Variants in EYS observed in about 807,000 individuals in gnomAD.
EYS encodes EGF-like photoreceptor maintenance factor.
In EYS, 250 loss-of-function variants were observed where a neutral mutation model predicts 282.1. The ratio of observed to expected loss-of-function variants is 0.89; its 90% CI spans 0.80 to 0.98. EYS has a LOEUF of 0.98. Among genes scored for constraint, EYS ranks in the 50% least tolerant of loss-of-function variants. The pLI, the probability that EYS is intolerant of heterozygous loss-of-function variation, is 0.00. For missense variants in EYS, 4,016 were observed against 3,709.0 expected, an observed-to-expected ratio of 1.08 and a Z score of -2.15; for synonymous variants, 1,355 against 1,282.9, an observed-to-expected ratio of 1.06 and a Z score of -1.20.
intron 34 of EYS, among the ~76,000 whole-genome samples, chr6:63,994,943 GA>G (rs960048658): frequency 6.6e-5 from 10 of 151,808 alleles, no homozygotes; most frequent in Admixed American, 3.3e-4. Context: ...AAAACATGGG[GA>G]AAATGCTTCA....
intron 31 of EYS, among the ~76,000 whole-genome samples, chr6:64,139,346 G>T (rs1774263152): frequency 6.6e-6 from 1 of 152,120 alleles, no homozygotes; most frequent in Non-Finnish European, 1.5e-5. Flanking sequence ...GATATAAGGA[G>T]TAGTCAAAGA....
In EYS at chr6:64,007,083, A is replaced by T. The variant is rs1026757913; in HGVS notation, c.6726-7900T>A. 3.9e-5 allele frequency among the ~76,000 whole-genome samples: 6 copies of T among 152,102 alleles called. No homozygotes were observed. In the Middle Eastern group the frequency reaches 0.01, roughly 259 times the overall value. On this transcript the variant is annotated intron_variant, in intron 33 of 42. Transcript: ENST00000503581. ...TTCAGTAGGAACAGTACCAGCTCTT[A>T]TTTATATTTCTGATATAATTTGTCT... is the stretch of plus-strand genomic sequence containing the variant.
At chr6:64,025,653 A>G (rs146492929) in intron 33 of EYS, among the ~76,000 whole-genome samples, 3,848 of 152,220 alleles carry the variant, frequency 0.025, 63 homozygotes, top group Non-Finnish European at 0.042. Context: ...CATAGTGGGG[A>G]CTACCTGGAA....
chr6:64,668,938 A>G (rs184867289), intron 22 of EYS, among the ~76,000 whole-genome samples: 33 of 152,192 alleles, frequency 2.2e-4, no homozygotes, highest in African/African-American at 7.5e-4. Context: ...TTTAGTTTAA[A>G]TAAATCACGT....
intron 12 of EYS, among the ~76,000 whole-genome samples, chr6:65,292,067 G>A (rs1282624439): frequency 2.0e-5 from 3 of 151,504 alleles, no homozygotes; most frequent in Non-Finnish European, 3.0e-5. Context: ...GCACAACCCC[G>A]GTGACTAAAA....
chr6:64,464,805 A>C (rs540214856), intron 26 of EYS, among the ~76,000 whole-genome samples: 1 of 152,166 alleles, frequency 6.6e-6, no homozygotes, highest in African/African-American at 2.4e-5. Context: ...AGAGAGAAAA[A>C]ATATTTCATC....
In EYS at chr6:64,067,415, C is replaced by A. The variant is rs149287650; in HGVS notation, c.6572-924G>T. ...TTCTGCTCTTCATCAAAAGTAACCA[C>A]TATCTTGATGTTTAACAGCTATAGT... is the stretch of plus-strand genomic sequence containing the variant. On this transcript the variant is annotated intron_variant, in intron 32 of 42. Transcript: ENST00000503581. Among the ~76,000 whole-genome samples, 554 of 152,220 alleles carry A rather than the reference C, an allele frequency of 3.6e-3. 3 individuals carry two copies. The highest frequency in any genetic ancestry group is 0.013 in the African/African-American group (522 of 41,560).
At chr6:64,058,198 C>T (rs1178820089) in intron 33 of EYS, among the ~76,000 whole-genome samples, 1 of 151,830 alleles carries the variant, frequency 6.6e-6, no homozygotes, top group Admixed American at 6.6e-5. Context: ...TGTGCCTTTG[C>T]TCCTCCTTCA....
At chr6:64,593,531 T>A (rs1184915867) in intron 24 of EYS, among the ~76,000 whole-genome samples, 1 of 152,160 alleles carries the variant, frequency 6.6e-6, no homozygotes, top group Non-Finnish European at 1.5e-5. Flanking sequence ...ATGCCCAAAT[T>A]TATTCTTAAT....
At chr6:65,019,764 G>A (rs1391343119) in intron 13 of EYS, among the ~76,000 whole-genome samples, 1 of 152,036 alleles carries the variant, frequency 6.6e-6, no homozygotes, top group African/African-American at 2.4e-5. Context: ...ATTCTCATGA[G>A]GCCAATAAAG....
intron 33 of EYS, among the ~76,000 whole-genome samples, chr6:64,054,307 G>T (rs1440344227): frequency 6.6e-6 from 1 of 152,122 alleles, no homozygotes. Flanking sequence ...TGAATGGCTT[G>T]CAGAAAGCAT....
chr6:65,084,051 A>G (rs952886270), intron 12 of EYS, among the ~76,000 whole-genome samples: 2 of 152,008 alleles, frequency 1.3e-5, no homozygotes, highest in Non-Finnish European at 2.9e-5. Flanking sequence ...CTTTGGCAAG[A>G]GTCAGTCAGT....
chr6:64,637,705 T>C lies in EYS; in HGVS notation c.3444-11460A>G, dbSNP rs1356888803. Among the ~76,000 whole-genome samples the C allele has an allele frequency of 3.4e-5, 3 of 89,124 alleles. 1 individual carries two copies. Among genetic ancestry groups the C allele is most frequent in the African/African-American group, 8.6e-5 (2 of 23,210 alleles). 58.5% of individuals were successfully genotyped at this position (89,124 alleles called of 152,430 possible). A position where few individuals can be genotyped will look rare whatever the true frequency, so the allele number is the denominator to read the frequency against. The stretch of plus-strand genomic sequence containing the variant: ...TACATTACTCTACAGTGATCAGAAA[T>C]CTCTTCTCAAGGCAAAATTCTCAAT... On this transcript the variant is annotated intron_variant, in intron 22 of 42. Coordinates refer to ENST00000503581, the MANE Select transcript of EYS (RefSeq NM_001142800.2).
At chr6:64,394,117 C>T (rs1266954293) in intron 28 of EYS, among the ~76,000 whole-genome samples, 1 of 152,076 alleles carries the variant, frequency 6.6e-6, no homozygotes, top group African/African-American at 2.4e-5. Flanking sequence ...AACCACTGCT[C>T]AATTAAATAA....
chr6:64,071,249 G>C lies in EYS; in HGVS notation c.6572-4758C>G, dbSNP rs555230598. The stretch of plus-strand genomic sequence containing the variant: ...AAATGAGAAAATAATTTAATATTTA[G>C]CTTACTCATCCAGGTTCTCTGAACC... On this transcript the variant is annotated intron_variant, in intron 32 of 42. Transcript: ENST00000503581. Among the ~76,000 whole-genome samples the C allele has an allele frequency of 6.6e-5, 10 of 152,116 alleles. No homozygotes were observed. The East Asian group carries it at 1.5e-3, about 24-fold the overall frequency.
At chr6:64,225,493 G>A (rs976079440) in intron 31 of EYS, among the ~76,000 whole-genome samples, 1 of 152,082 alleles carries the variant, frequency 6.6e-6, no homozygotes, top group African/African-American at 2.4e-5. Flanking sequence ...TGGTGTAAGA[G>A]TATGTCTGAG....
chr6:65,693,135 T>A (rs1769303509), intron 1 of EYS, among the ~76,000 whole-genome samples: 1 of 149,826 alleles, frequency 6.7e-6, no homozygotes, highest in Non-Finnish European at 1.5e-5. Context: ...TCAAATAGAT[T>A]TCATCGCTTC....
chr6:64,973,463 G>T, intron 14 of EYS, among the ~76,000 whole-genome samples: 1 of 151,950 alleles, frequency 6.6e-6, no homozygotes, highest in East Asian at 1.9e-4. Context: ...TAGCTTGGCG[G>T]GTTATGTGAT....
At chr6:64,419,872 C>A (rs1166888843) in intron 28 of EYS, among the ~76,000 whole-genome samples, 1 of 152,178 alleles carries the variant, frequency 6.6e-6, no homozygotes, top group African/African-American at 2.4e-5. Flanking sequence ...GTGGGTCTAC[C>A]ATTCTGGGGT....
Sources: gnomAD v4.1 joint callset for allele counts (sites outside exome capture counted in the v4.1 genomes callset) on GRCh38, gnomAD v4.1.1 for gene constraint, MANE v1.5 for transcripts, NCBI Gene and HGNC (gene_info 2026-07-23, HGNC 2026-07-21) for gene names.